FBXL17: variants seen among roughly 807,000 people sequenced by gnomAD.
FBXL17 encodes F-box/LRR-repeat protein 17.
Under a neutral mutation model 66.2 loss-of-function variants are expected in FBXL17, and 22 were observed. The ratio of observed to expected loss-of-function variants is 0.33; its 90% CI spans 0.24 to 0.47. FBXL17 has a LOEUF of 0.47. FBXL17 is among the 20% of genes least tolerant of loss of function. FBXL17 has a pLI of 1.00. For missense variants in FBXL17, 878 were observed against 948.2 expected, an observed-to-expected ratio of 0.93 and a Z score of 0.97; for synonymous variants, 474 against 400.5, an observed-to-expected ratio of 1.18 and a Z score of -2.19.
At chr5:108,375,919 A>G (rs1425072787) in intron 1 of FBXL17, among the ~76,000 whole-genome samples, 1 of 152,206 alleles carries the variant, frequency 6.6e-6, no homozygotes, top group Non-Finnish European at 1.5e-5. Flanking sequence ...GTTATACACC[A>G]TGACCAAGTA....
chr5:107,946,299 A>G (rs1376527140), intron 7 of FBXL17, among the ~76,000 whole-genome samples: 1 of 79,072 alleles, frequency 1.3e-5, no homozygotes, highest in East Asian at 6.5e-4. Flanking sequence ...ATATATATAT[A>G]TATATATATA....
chr5:107,988,760 G>C (rs1418710529), intron 7 of FBXL17, among the ~76,000 whole-genome samples: 1 of 151,970 alleles, frequency 6.6e-6, no homozygotes, highest in African/African-American at 2.4e-5. Flanking sequence ...AATTAAAAGT[G>C]AATAAGAGCA....
intron 7 of FBXL17, among the ~76,000 whole-genome samples, chr5:107,889,102 A>T (rs2112513944): frequency 6.6e-6 from 1 of 152,158 alleles, no homozygotes; most frequent in East Asian, 1.9e-4. Context: ...GGTATTGTGT[A>T]TCTTTATCAT....
chr5:107,951,329 T>C (rs1751491832), intron 7 of FBXL17, among the ~76,000 whole-genome samples: 1 of 152,216 alleles, frequency 6.6e-6, no homozygotes, highest in Admixed American at 6.5e-5. Context: ...ATTTAGTAAT[T>C]TAGTGTCACA....
In FBXL17 at chr5:108,111,724, C is replaced by G. The variant is rs144889457; in HGVS notation, c.1745+74393G>C. On this transcript the variant is annotated intron_variant, in intron 6 of 8. Coordinates refer to ENST00000542267, the MANE Select transcript of FBXL17 (RefSeq NM_001163315.3). The stretch of plus-strand genomic sequence containing the variant: ...CATGCTAGCTTTTTCAACTAGGCTA[C>G]GGGACCACACTTGATTCATCTCTGT... Among the ~76,000 whole-genome samples the G allele has an allele frequency of 4.9e-4, 75 of 152,238 alleles. 1 individual carries two copies. The South Asian group carries it at 0.013, about 27-fold the overall frequency.
At chr5:108,114,116 A>C (rs1750146742) in intron 6 of FBXL17, among the ~76,000 whole-genome samples, 1 of 152,200 alleles carries the variant, frequency 6.6e-6, no homozygotes. Context: ...GAAGGTCATG[A>C]AGCTAATCTT....
intron 7 of FBXL17, among the ~76,000 whole-genome samples, chr5:107,897,022 G>A (rs1749407431): frequency 6.6e-6 from 1 of 151,944 alleles, no homozygotes; most frequent in Admixed American, 6.6e-5. Flanking sequence ...GAAGATGAAG[G>A]ATCTAAATAT....
intron 7 of FBXL17, among the ~76,000 whole-genome samples, chr5:107,945,004 C>T (rs1751233762): frequency 6.6e-6 from 1 of 151,646 alleles, no homozygotes; most frequent in Non-Finnish European, 1.5e-5. Context: ...GAATTCATAC[C>T]AGTAAAAAAT....
At chr5:108,203,512 C>T (rs574578863) in intron 5 of FBXL17, among the ~76,000 whole-genome samples, 95 of 152,164 alleles carry the variant, frequency 6.2e-4, no homozygotes, top group African/African-American at 2.2e-3. Context: ...TAAAAAGTAG[C>T]AAAAGCATGG....
At chr5:108,320,320 G>A (rs1445157102) in intron 4 of FBXL17, among the ~76,000 whole-genome samples, 1 of 151,634 alleles carries the variant, frequency 6.6e-6, no homozygotes, top group Non-Finnish European at 1.5e-5. Context: ...AGAAAAACAA[G>A]CCAGTAATCA....
At chr5:108,161,161 G>GATAGATACATACATACATACATAC (rs376656671) in intron 6 of FBXL17, among the ~76,000 whole-genome samples, 55 of 149,312 alleles carry the variant, frequency 3.7e-4, no homozygotes, top group African/African-American at 1.3e-3. Flanking sequence ...TCAACAAATA[G>GATAGATACATACATACATACATAC]ATACATACAT....
intron 4 of FBXL17, among the ~76,000 whole-genome samples, chr5:108,310,454 T>G (rs1211968629): frequency 6.6e-6 from 1 of 152,206 alleles, no homozygotes; most frequent in Admixed American, 6.5e-5. Context: ...TTCTACTTAA[T>G]GATCCCGTCA....
rs920100167 is a variant in FBXL17 at position 108,079,456 on chromosome 5, G to A, written c.1746-58455C>T. 7.6e-4 allele frequency among the ~76,000 whole-genome samples: 116 copies of A among 152,192 alleles called. 1 individual carries two copies. The highest frequency in any genetic ancestry group is 2.7e-3 in the African/African-American group (113 of 41,524). ...TTAAAATAAAATTAGAAATAATAAT[G>A]TATTTGAGGTTGTATGATATGATGA... On this transcript the variant is annotated intron_variant, in intron 6 of 8. Coordinates refer to ENST00000542267, the MANE Select transcript of FBXL17 (RefSeq NM_001163315.3).
Position 107,917,015 on chromosome 5 carries a change from G to A in FBXL17, c.1823-35836C>T, listed in dbSNP as rs1026846948. Reference sequence around the variant, plus strand: ...GGATTTCCTATTTCATAGCCTGTCAGTATATTTCTATCCCTTCATAAAGAC... The same window carrying A: ...GGATTTCCTATTTCATAGCCTGTCAATATATTTCTATCCCTTCATAAAGAC... On this transcript the variant is annotated intron_variant, in intron 7 of 8. Transcript: ENST00000542267. Among the ~76,000 whole-genome samples the A allele has an allele frequency of 2.0e-5, 3 of 152,158 alleles. No homozygotes were observed. In the East Asian group the frequency reaches 5.8e-4, roughly 29 times the overall value.
chr5:108,184,998 C>A (rs1242245419), intron 6 of FBXL17, among the ~76,000 whole-genome samples: 1 of 152,012 alleles, frequency 6.6e-6, no homozygotes, highest in Non-Finnish European at 1.5e-5. Flanking sequence ...GTAGTGCTAG[C>A]GCTACTCTGT....
chr5:108,254,449 T>C (rs1218773921), intron 4 of FBXL17, among the ~76,000 whole-genome samples: 1 of 152,170 alleles, frequency 6.6e-6, no homozygotes, highest in African/African-American at 2.4e-5. Context: ...TTTTCTCCAC[T>C]GTTTAAGTCA....
At chr5:108,262,201 C>G (rs1332173695) in intron 4 of FBXL17, among the ~76,000 whole-genome samples, 9 of 151,860 alleles carry the variant, frequency 5.9e-5, no homozygotes, top group Non-Finnish European at 4.4e-5. Context: ...CTCGGCCTCC[C>G]AAATAGCTAG....
At chr5:108,241,078 A>G (rs1431877810) in intron 4 of FBXL17, among the ~76,000 whole-genome samples, 1 of 152,198 alleles carries the variant, frequency 6.6e-6, no homozygotes, top group African/African-American at 2.4e-5. Context: ...TACCTCTTTA[A>G]TGCCCAGACA....
intron 6 of FBXL17, among the ~76,000 whole-genome samples, chr5:108,164,100 C>A (rs1242605161): frequency 2.0e-5 from 3 of 152,104 alleles, no homozygotes; most frequent in Admixed American, 6.6e-5. Flanking sequence ...GCAAAGATGC[C>A]TTAGTAATCA....
Sources: gnomAD v4.1 joint callset for allele counts (sites outside exome capture counted in the v4.1 genomes callset) on GRCh38, gnomAD v4.1.1 for gene constraint, MANE v1.5 for transcripts, NCBI Gene and HGNC (gene_info 2026-07-23, HGNC 2026-07-21) for gene names.